TMEM114: variants seen among roughly 807,000 people sequenced by gnomAD.
TMEM114 encodes transmembrane protein 114.
TMEM114 carries 6 observed loss-of-function variants against 6.2 expected under a neutral mutation model. That is an observed-to-expected ratio of 0.97 (90% CI 0.53 to 1.91). The LOEUF (loss-of-function observed/expected upper bound fraction) is 1.91. Among genes scored for constraint, TMEM114 ranks in the 40% most tolerant of loss-of-function variants. The probability of loss-of-function intolerance (pLI) is 0.01; values close to 1 mark genes in which losing one functional copy is unlikely to be tolerated. For missense variants in TMEM114, 218 were observed against 158.3 expected, an observed-to-expected ratio of 1.38 and a Z score of -2.02; for synonymous variants, 104 against 73.0, an observed-to-expected ratio of 1.42 and a Z score of -2.16.
chr16:8,563,429 GTGAGGCAA>G (rs1312568763), intron 2 of TMEM114, among the ~76,000 whole-genome samples: 1 of 135,414 alleles, frequency 7.4e-6, no homozygotes, highest in South Asian at 2.5e-4. Flanking sequence ...GAGTGAATGA[GTGAGGCAA>G]TGAGTAAGTG....
the TMEM114 span, among the ~76,000 whole-genome samples, chr16:8,532,515 G>C: frequency 2.6e-4 from 39 of 152,234 alleles, no homozygotes; most frequent in African/African-American, 9.2e-4. Context: ...AAGGTGAAAG[G>C]CCAAACACCT....
At chr16:8,531,719 G>T in the TMEM114 span, among the ~76,000 whole-genome samples, 1 of 152,166 alleles carries the variant, frequency 6.6e-6, no homozygotes, top group Non-Finnish European at 1.5e-5. Flanking sequence ...ATAATTCATG[G>T]GACACTCAGT....
At chr16:8,577,195 G>A (rs572472138) in intron 2 of TMEM114, among the ~76,000 whole-genome samples, 10 of 152,216 alleles carry the variant, frequency 6.6e-5, no homozygotes, top group Admixed American at 2.0e-4. Flanking sequence ...AGCCCTCAAC[G>A]AAAGCCACTT....
chr16:8,532,917 C>A (rs77016477), downstream of TMEM114, among the ~76,000 whole-genome samples: 1,608 of 152,124 alleles, frequency 0.011, 34 homozygotes, highest in African/African-American at 0.037. Context: ...GCGCAAGATT[C>A]CATCTCAAAA....
chr16:8,526,734 G>C, the TMEM114 span: 1 of 152,144 alleles, frequency 6.6e-6, no homozygotes, highest in Admixed American at 6.6e-5. Context: ...CCAGTCTCAA[G>C]TATTTCTTTA....
At chr16:8,528,549 A>G in the TMEM114 span, among the ~76,000 whole-genome samples, 1 of 152,182 alleles carries the variant, frequency 6.6e-6, no homozygotes, top group East Asian at 1.9e-4. Flanking sequence ...TTTCACCAAG[A>G]GGAGCGCAAC....
chr16:8,557,122 C>T (rs74895422), intron 2 of TMEM114, among the ~76,000 whole-genome samples: 11,411 of 152,196 alleles, frequency 0.075, 527 homozygotes, highest in Middle Eastern at 0.18. Flanking sequence ...ATCCCCCATG[C>T]CCTTGTTAGA....
At chr16:8,532,273 T>A in the TMEM114 span, among the ~76,000 whole-genome samples, 1 of 152,232 alleles carries the variant, frequency 6.6e-6, no homozygotes, top group African/African-American at 2.4e-5. Flanking sequence ...TCAAAAGTCC[T>A]GCATTTTAAT....
At position 8,555,661 on chromosome 16, in the gene TMEM114, G is replaced by A. The variant is rs1210095480; in HGVS notation, n.213-17835C>T. On this transcript the variant is annotated intron_variant and non_coding_transcript_variant, in intron 2 of 2. Coordinates refer to the TMEM114 transcript ENST00000623677. ...ATCTCACTATTGTTTTCACGTCGAT[G>A]ACTCCCCATGCATCTGACCAGGTAA... 2.0e-5 allele frequency among the ~76,000 whole-genome samples: 3 copies of A among 152,140 alleles called. 1 individual carries two copies. The highest frequency in any genetic ancestry group is 2.9e-5 in the Non-Finnish European group (2 of 68,032).
At chr16:8,542,271 C>G (rs187393416) in intron 2 of TMEM114, among the ~76,000 whole-genome samples, 1 of 152,194 alleles carries the variant, frequency 6.6e-6, no homozygotes, top group Non-Finnish European at 1.5e-5. Context: ...TCTAGAACCT[C>G]TACTGAAGTG....
At chr16:8,556,587 C>G (rs901463259) in intron 2 of TMEM114, among the ~76,000 whole-genome samples, 2 of 152,022 alleles carry the variant, frequency 1.3e-5, no homozygotes, top group Non-Finnish European at 2.9e-5. Context: ...CTGCAACCTC[C>G]GCCTCCCGAG....
chr16:8,573,188 C>G (rs958248315), intron 2 of TMEM114, among the ~76,000 whole-genome samples: 2 of 152,140 alleles, frequency 1.3e-5, no homozygotes, highest in African/African-American at 4.8e-5. Context: ...ATTGAGAGAA[C>G]TAACGGGGAC....
chr16:8,577,300 A>T (rs1901973762), intron 2 of TMEM114, among the ~76,000 whole-genome samples: 1 of 152,062 alleles, frequency 6.6e-6, no homozygotes, highest in Non-Finnish European at 1.5e-5. Flanking sequence ...CTAGAGAGGG[A>T]TGATGTGGGG....
intron 2 of TMEM114, among the ~76,000 whole-genome samples, chr16:8,579,573 G>A (rs968538704): frequency 2.6e-5 from 4 of 152,076 alleles, no homozygotes; most frequent in South Asian, 4.2e-4. Flanking sequence ...GCAAAGACGT[G>A]GGTTCAAATC....
Position 8,553,531 on chromosome 16 carries a change from G to C in TMEM114, n.213-15705C>G. On this transcript the variant is annotated intron_variant and non_coding_transcript_variant, in intron 2 of 2. Coordinates refer to the TMEM114 transcript ENST00000623677. ...GACGGAGTCTCGCTGTGTCACCCAGGCTGGAGTGCAGTGGCACGATCTCGA... is the reference window on the plus strand; with the variant it reads ...GACGGAGTCTCGCTGTGTCACCCAGCCTGGAGTGCAGTGGCACGATCTCGA... 1.3e-5 allele frequency among the ~76,000 whole-genome samples: 2 copies of C among 152,116 alleles called. 1 individual carries two copies. Among genetic ancestry groups the C allele is most frequent in the Non-Finnish European group, 2.9e-5 (2 of 68,014 alleles).
At chr16:8,581,113 ATT>A (rs879772173) in intron 2 of TMEM114, among the ~76,000 whole-genome samples, 14 of 152,176 alleles carry the variant, frequency 9.2e-5, no homozygotes, top group Non-Finnish European at 1.5e-4. Context: ...GCATCTTAAA[ATT>A]TTGTTATATA....
At chr16:8,563,181 G>GTAAA in intron 2 of TMEM114, among the ~76,000 whole-genome samples, 1 of 139,452 alleles carries the variant, frequency 7.2e-6, no homozygotes, top group South Asian at 2.3e-4. Flanking sequence ...AAATGAGTGA[G>GTAAA]TGAATGAGTG....
intron 2 of TMEM114, among the ~76,000 whole-genome samples, chr16:8,547,312 G>C (rs1336323378): frequency 1.3e-5 from 2 of 152,056 alleles, no homozygotes. Flanking sequence ...ACCAGATTTT[G>C]TCTCCGTGGA....
At chr16:8,560,856 A>G (rs370834554) in intron 2 of TMEM114, among the ~76,000 whole-genome samples, 1 of 152,228 alleles carries the variant, frequency 6.6e-6, no homozygotes, top group African/African-American at 2.4e-5. Context: ...TGGTAAAGAC[A>G]TACCTGAGAC....
Sources: allele counts gnomAD v4.1 joint callset (sites outside exome capture counted in the v4.1 genomes callset), GRCh38; gene constraint gnomAD v4.1.1; transcripts MANE v1.5; gene names NCBI Gene and HGNC (gene_info 2026-07-23, HGNC 2026-07-21).